FOXP1: variants seen among roughly 807,000 people sequenced by gnomAD.
FOXP1 encodes forkhead box P1, also known as forkhead box protein P1.
A neutral mutation model predicts 98.2 loss-of-function variants in FOXP1; 15 were observed. That is an observed-to-expected ratio of 0.15 (90% confidence interval 0.10 to 0.24). The LOEUF is 0.24. Among genes scored for constraint, FOXP1 ranks in the 10% least tolerant of loss-of-function variants. FOXP1 has a pLI of 1.00. For synonymous variants in FOXP1, 371 were observed against 314.5 expected, an observed-to-expected ratio of 1.18 and a Z score of -1.90; for missense variants, 633 against 848.5, an observed-to-expected ratio of 0.75 and a Z score of 3.15.
At chr3:71,119,562 CCT>C (rs1207757337) in intron 6 of FOXP1, among the ~76,000 whole-genome samples, 1 of 152,152 alleles carries the variant, frequency 6.6e-6, no homozygotes, top group East Asian at 1.9e-4. Context: ...CGTGTTCTCT[CCT>C]CTGTTTCTCA....
At chr3:70,963,134 ACTAT>A (rs1205629177) in intron 20 of FOXP1, among the ~76,000 whole-genome samples, 24 of 152,326 alleles carry the variant, frequency 1.6e-4, no homozygotes, top group Admixed American at 1.2e-3. Context: ...AGGATTATTT[ACTAT>A]CCACAAGACA....
intron 6 of FOXP1, among the ~76,000 whole-genome samples, chr3:71,159,636 G>A (rs1320040749): frequency 2.0e-5 from 3 of 152,128 alleles, no homozygotes; most frequent in Admixed American, 1.3e-4. Context: ...GTGAGGTGGA[G>A]TTGAGACCAA....
At chr3:71,346,822 G>A (rs2077394737) in intron 4 of FOXP1, among the ~76,000 whole-genome samples, 1 of 152,092 alleles carries the variant, frequency 6.6e-6, no homozygotes, top group Admixed American at 6.6e-5. Context: ...GAGGCGGGTG[G>A]ATCATGAGGT....
rs140386802 is a variant in FOXP1 at position 71,023,131 on chromosome 3, C to T, written c.870-7478G>A. Among the ~76,000 whole-genome samples the T allele has an allele frequency of 6.6e-5, 10 of 152,238 alleles. 1 individual carries two copies. Among genetic ancestry groups the T allele is most frequent in the South Asian group, 6.2e-4 (3 of 4,826 alleles). ...ATTCCCACCATTTAGGACTTTCATCCGTCCAGCCAACATTTATGAACTCCG... is the reference window on the plus strand; with the variant it reads ...ATTCCCACCATTTAGGACTTTCATCTGTCCAGCCAACATTTATGAACTCCG... On this transcript the variant is annotated intron_variant, in intron 11 of 20. Coordinates refer to ENST00000649528, the MANE Select transcript of FOXP1 (RefSeq NM_001349338.3).
intron 6 of FOXP1, among the ~76,000 whole-genome samples, chr3:71,116,969 G>A (rs1472831066): frequency 6.6e-6 from 1 of 152,182 alleles, no homozygotes; most frequent in Non-Finnish European, 1.5e-5. Context: ...CTGTGTCAGA[G>A]ACCTATGTTC....
At chr3:71,549,981 T>C (rs1370468715) in intron 2 of FOXP1, among the ~76,000 whole-genome samples, 2 of 152,178 alleles carry the variant, frequency 1.3e-5, no homozygotes, top group Non-Finnish European at 2.9e-5. Context: ...AAAAATTTTT[T>C]TTCAAAGAAC....
chr3:71,519,277 A>C (rs540875885), intron 2 of FOXP1, among the ~76,000 whole-genome samples: 4 of 152,296 alleles, frequency 2.6e-5, no homozygotes, highest in Non-Finnish European at 5.9e-5. Flanking sequence ...TAATAAAATA[A>C]TGTGTGAGCA....
rs192469527 is a variant in FOXP1, at chr3:71,173,085, T to C, written c.180+25117A>G. Among the ~76,000 whole-genome samples the C allele has an allele frequency of 5.3e-4, 80 of 152,296 alleles. 2 individuals carry two copies. In the East Asian group the frequency reaches 0.014, roughly 27 times the overall value. ...TTCTCAGATTTTTCGCAAGAGCCCA[T>C]GCATTTTGCAAACTTGAGAGATTGC... On this transcript the variant is annotated intron_variant, in intron 6 of 20. Coordinates refer to ENST00000649528, the MANE Select transcript of FOXP1 (RefSeq NM_001349338.3).
chr3:71,473,558 C>T (rs941995684), intron 3 of FOXP1, among the ~76,000 whole-genome samples: 1 of 152,084 alleles, frequency 6.6e-6, no homozygotes, highest in African/African-American at 2.4e-5. Flanking sequence ...AACCCAAGGA[C>T]CTGTTCTACA....
At chr3:71,093,524 G>A (rs368827721) in intron 7 of FOXP1, among the ~76,000 whole-genome samples, 8 of 143,802 alleles carry the variant, frequency 5.6e-5, no homozygotes, top group African/African-American at 2.0e-4. Flanking sequence ...TTGAAATGTG[G>A]CTAGTACAGA....
intron 6 of FOXP1, among the ~76,000 whole-genome samples, chr3:71,157,944 C>T (rs1390898155): frequency 6.6e-6 from 1 of 151,680 alleles, no homozygotes; most frequent in African/African-American, 2.4e-5. Flanking sequence ...AAAAATTAGC[C>T]TGGTGTGGTG....
At chr3:71,085,404 C>T (rs2054930789) in intron 7 of FOXP1, among the ~76,000 whole-genome samples, 1 of 152,144 alleles carries the variant, frequency 6.6e-6, no homozygotes, top group Non-Finnish European at 1.5e-5. Flanking sequence ...CTTGCCTTGG[C>T]CTCCCAAAGT....
At chr3:71,138,272 TAAG>T (rs2059914814) in intron 6 of FOXP1, among the ~76,000 whole-genome samples, 1 of 152,092 alleles carries the variant, frequency 6.6e-6, no homozygotes, top group Non-Finnish European at 1.5e-5. Context: ...GATCGGGAAA[TAAG>T]AACACTTCCA....
At chr3:71,107,452 G>C (rs1470050585) in intron 7 of FOXP1, among the ~76,000 whole-genome samples, 1 of 151,938 alleles carries the variant, frequency 6.6e-6, no homozygotes, top group African/African-American at 2.4e-5. Flanking sequence ...AAATATTTCT[G>C]TTTTATTATT....
At chr3:71,346,937 G>A (rs1411146666) in intron 4 of FOXP1, among the ~76,000 whole-genome samples, 1 of 152,056 alleles carries the variant, frequency 6.6e-6, no homozygotes, top group East Asian at 1.9e-4. Context: ...GGAGGCTGAG[G>A]CAGGAGAATC....
intron 2 of FOXP1, among the ~76,000 whole-genome samples, chr3:71,553,898 T>C (rs923960827): frequency 3.3e-5 from 5 of 152,214 alleles, no homozygotes; most frequent in Non-Finnish European, 7.3e-5. Flanking sequence ...ATGTTGGTAG[T>C]TAGCTACAGT....
intron 7 of FOXP1, among the ~76,000 whole-genome samples, chr3:71,090,415 G>A (rs2055674020): frequency 6.6e-6 from 1 of 152,124 alleles, no homozygotes; most frequent in African/African-American, 2.4e-5. Flanking sequence ...CAGGTGTGAG[G>A]AGAACCACCC....
intron 7 of FOXP1, among the ~76,000 whole-genome samples, chr3:71,062,844 T>C (rs1264739008): frequency 6.6e-6 from 1 of 152,362 alleles, no homozygotes; most frequent in Non-Finnish European, 1.5e-5. Context: ...CTCAATAGAT[T>C]TCTTTCTTAG....
intron 2 of FOXP1, chr3:71,542,023 A>G (rs776451869): frequency 1.9e-6 from 1 of 534,214 alleles, no homozygotes. Flanking sequence ...TGGGCTTTCC[A>G]ATATATAAAA....
Sources: gnomAD v4.1 joint callset for allele counts (sites outside exome capture counted in the v4.1 genomes callset) on GRCh38, gnomAD v4.1.1 for gene constraint, MANE v1.5 for transcripts, NCBI Gene and HGNC (gene_info 2026-07-23, HGNC 2026-07-21) for gene names.